Variants in GJA5 observed in about 807,000 individuals in gnomAD.
The protein encoded by GJA5 is gap junction alpha-5 protein.
GJA5 carries 3 observed loss-of-function variants against 7.9 expected under a neutral mutation model. That is an observed-to-expected ratio of 0.38 (90% CI 0.17 to 0.99). GJA5 has a LOEUF of 0.99. Among genes scored for constraint, GJA5 ranks in the 50% least tolerant of loss-of-function variants. The pLI is 0.38. For synonymous variants in GJA5, 193 were observed against 181.0 expected, an observed-to-expected ratio of 1.07 and a Z score of -0.53; for missense variants, 390 against 457.9, an observed-to-expected ratio of 0.85 and a Z score of 1.35.
intron 1 of GJA5, among the ~76,000 whole-genome samples, chr1:147,767,680 G>A (rs370256288): frequency 1.3e-5 from 2 of 151,536 alleles, no homozygotes; most frequent in Admixed American, 1.3e-4. Context: ...TTACAGGCAT[G>A]AGCCACCATG....
At chr1:147,760,077 T>C (rs1278979358) in intron 1 of GJA5, among the ~76,000 whole-genome samples, 5 of 152,070 alleles carry the variant, frequency 3.3e-5, no homozygotes, top group Middle Eastern at 6.8e-3. Flanking sequence ...TCACTTCCCC[T>C]GGCTGGTAAG....
At chr1:147,762,844 G>A (rs376855170), upstream of GJA5, among the ~76,000 whole-genome samples, 22 of 152,332 alleles carry the variant, frequency 1.4e-4, no homozygotes, top group African/African-American at 5.3e-4. Context: ...TTTACTGGGC[G>A]TATAGCATAT....
upstream of GJA5, among the ~76,000 whole-genome samples, chr1:147,765,455 C>T (rs1006951387): frequency 6.6e-6 from 1 of 152,152 alleles, no homozygotes; most frequent in African/African-American, 2.4e-5. Context: ...CTTAGACCTT[C>T]GAGAGGACTT....
chr1:147,758,489 A>G lies in GJA5; in HGVS notation c.750T>C (p.Leu250=). The G allele has an allele frequency of 6.2e-7, 1 of 1,614,210 alleles. No homozygotes were observed. The highest frequency in any genetic ancestry group is 1.1e-5 in the South Asian group (1 of 91,086). The change falls in exon 2 of 2, where the codon CTT becomes CTC. Residue 250 remains leucine (L), a synonymous_variant. Coordinates refer to ENST00000579774, the MANE Select transcript of GJA5 (RefSeq NM_181703.4). The part of the protein sequence containing the change: ...KPRQHMAKCQ[L]SGPSVGIVQS... Reference sequence around the variant, plus strand: ...GGACTATGCCCACAGAGGGGCCAGAAAGCTGGCACTTAGCCATGTGCTGCC... The same window carrying G: ...GGACTATGCCCACAGAGGGGCCAGAGAGCTGGCACTTAGCCATGTGCTGCC...
chr1:147,766,338 G>A (rs1291066529), intron 1 of GJA5, among the ~76,000 whole-genome samples: 1 of 152,116 alleles, frequency 6.6e-6, no homozygotes, highest in Non-Finnish European at 1.5e-5. Context: ...ATAGCATTTA[G>A]GTCTCTCAAA....
At chr1:147,759,425 C>T (rs1663900534) in intron 1 of GJA5, among the ~76,000 whole-genome samples, 154 bp from the exon 2 acceptor site, 1 of 152,176 alleles carries the variant, frequency 6.6e-6, no homozygotes, top group Admixed American at 6.5e-5. Context: ...ACGAAAAGCT[C>T]GCTCTCCTTT....
At chr1:147,760,926 C>G (rs1210946821), upstream of GJA5, among the ~76,000 whole-genome samples, 2 of 152,130 alleles carry the variant, frequency 1.3e-5, no homozygotes, top group African/African-American at 4.8e-5. Flanking sequence ...GCTCCCATCC[C>G]CTGGTGAACA....
intron 1 of GJA5, among the ~76,000 whole-genome samples, chr1:147,766,442 A>G (rs1306159815): frequency 1.3e-5 from 2 of 152,200 alleles, no homozygotes; most frequent in African/African-American, 4.8e-5. Context: ...CGTTGGGGCC[A>G]TGCTGCATGT....
chr1:147,762,880 C>T (rs1664073319), upstream of GJA5, among the ~76,000 whole-genome samples: 1 of 152,210 alleles, frequency 6.6e-6, no homozygotes, highest in African/African-American at 2.4e-5. Context: ...TTATTATCTG[C>T]TTCTTGGCAG....
chr1:147,758,852 C>T lies in GJA5; in HGVS notation c.387G>A (p.Glu129=). 6.2e-7 allele frequency: 1 copy of T among 1,614,246 alleles called. No homozygotes were observed. Among genetic ancestry groups the T allele is most frequent in the Non-Finnish European group, 8.5e-7 (1 of 1,180,036 alleles). ...CCTCCCAGCAGGACAGTTCTGCCTTCTCTGCCACCGGGTACTCGTAAGAGC... is the reference window on the plus strand; with the variant it reads ...CCTCCCAGCAGGACAGTTCTGCCTTTTCTGCCACCGGGTACTCGTAAGAGC... ...GSGSYEYPVA[E]KAELSCWEEG... is the part of the protein sequence containing the mutation. The change falls in exon 2 of 2, where the codon GAG becomes GAA. Residue 129 remains glutamate, a synonymous_variant. Transcript: ENST00000579774.
At chr1:147,772,135 C>T (rs1355885062) in intron 1 of GJA5, among the ~76,000 whole-genome samples, 1 of 152,160 alleles carries the variant, frequency 6.6e-6, no homozygotes, top group Non-Finnish European at 1.5e-5. Flanking sequence ...TCTTCTGACT[C>T]CCTGTTCGGT....
intron 1 of GJA5, among the ~76,000 whole-genome samples, chr1:147,765,840 T>C (rs1276090030): frequency 1.3e-5 from 2 of 152,102 alleles, no homozygotes; most frequent in Non-Finnish European, 2.9e-5. Flanking sequence ...CTTGTAGCAG[T>C]CTTTTAGTAG....
At chr1:147,771,513 T>G (rs1553229105) in intron 1 of GJA5, among the ~76,000 whole-genome samples, 1 of 152,164 alleles carries the variant, frequency 6.6e-6, no homozygotes, top group Non-Finnish European at 1.5e-5. Flanking sequence ...CTCTTTCAGT[T>G]CTAATGTTCT....
intron 1 of GJA5, among the ~76,000 whole-genome samples, chr1:147,770,206 T>G (rs185964882): frequency 5.9e-4 from 90 of 152,110 alleles, no homozygotes; most frequent in Non-Finnish European, 1.0e-4. Flanking sequence ...GAGGCTCTTT[T>G]CTGGTTCCAG....
At chr1:147,772,853 C>T (rs1188028281) in intron 1 of GJA5, among the ~76,000 whole-genome samples, 3 of 149,824 alleles carry the variant, frequency 2.0e-5, no homozygotes, top group African/African-American at 7.4e-5. Flanking sequence ...AAAAAGATTC[C>T]ATGCCTAGCA....
At chr1:147,766,993 G>A (rs1303897837) in intron 1 of GJA5, among the ~76,000 whole-genome samples, 1 of 152,200 alleles carries the variant, frequency 6.6e-6, no homozygotes, top group African/African-American at 2.4e-5. Context: ...CCTCTGCCAT[G>A]TCAGACATCA....
At chr1:147,759,439 A>C (rs1446672956) in intron 1 of GJA5, among the ~76,000 whole-genome samples, 168 bp from the exon 2 acceptor site, 3 of 152,238 alleles carry the variant, frequency 2.0e-5, no homozygotes, top group Non-Finnish European at 4.4e-5. Context: ...CTCCTTTCCC[A>C]GCAAAAATAA....
chr1:147,765,027 A>G (rs1664152813), upstream of GJA5, among the ~76,000 whole-genome samples: 1 of 152,146 alleles, frequency 6.6e-6, no homozygotes, highest in Non-Finnish European at 1.5e-5. Flanking sequence ...GGCTAGCAGT[A>G]AGATTGCAAA....
upstream of GJA5, among the ~76,000 whole-genome samples, chr1:147,762,052 A>C (rs1269408675): frequency 6.6e-6 from 1 of 152,210 alleles, no homozygotes; most frequent in Non-Finnish European, 1.5e-5. Flanking sequence ...GAGTGCTATG[A>C]GATGATGCGT....
Sources: allele counts gnomAD v4.1 joint callset (sites outside exome capture counted in the v4.1 genomes callset), GRCh38; gene constraint gnomAD v4.1.1; transcripts MANE v1.5; gene names NCBI Gene and HGNC (gene_info 2026-07-23, HGNC 2026-07-21).